Variants in CNOT10 observed in about 807,000 individuals in gnomAD.
CNOT10 encodes the protein CCR4-NOT transcription complex, subunit 10.
A neutral mutation model predicts 94.6 loss-of-function variants in CNOT10; 30 were observed. The observed-to-expected ratio is 0.32, with a 90% CI of 0.24 to 0.43. The LOEUF (loss-of-function observed/expected upper bound fraction) is 0.43, where lower values mean the gene tolerates loss of function less well. Ranked by LOEUF, CNOT10 falls within the 20% of genes least tolerant of loss-of-function variation. The probability of loss-of-function intolerance (pLI) is 1.00; values close to 1 mark genes in which losing one functional copy is unlikely to be tolerated. For missense variants in CNOT10, 759 were observed against 877.2 expected, an observed-to-expected ratio of 0.87 and a Z score of 1.70; for synonymous variants, 289 against 301.6, an observed-to-expected ratio of 0.96 and a Z score of 0.43.
intron 1 of CNOT10, among the ~76,000 whole-genome samples, chr3:32,698,909 G>T (rs954037253): frequency 1.3e-5 from 2 of 152,072 alleles, no homozygotes; most frequent in African/African-American, 4.8e-5. Flanking sequence ...CCTTCGCCTC[G>T]CTTGTAGCTG....
At chr3:32,709,538 G>A (rs1464453698) in intron 4 of CNOT10, among the ~76,000 whole-genome samples, 1 of 152,160 alleles carries the variant, frequency 6.6e-6, no homozygotes, top group African/African-American at 2.4e-5. Flanking sequence ...GTATGATAGC[G>A]CTCTGTGGTT....
chr3:32,691,442 G>C (rs1034255815), intron 1 of CNOT10, among the ~76,000 whole-genome samples: 1 of 151,794 alleles, frequency 6.6e-6, no homozygotes, highest in Non-Finnish European at 1.5e-5. Flanking sequence ...ATTAACAGAC[G>C]TGAGCCACTG....
rs2125657087 is a variant in CNOT10 at position 32,773,493 on chromosome 3, A to G, written c.2117A>G (p.Asn706Ser). ...TQLALQIIKRNQLLPAVKTHS... is the reference protein window; with the variant it reads ...TQLALQIIKRSQLLPAVKTHS... ...CTGGCCTTACAGATCATCAAAAGGA[A>G]TCAGCTGCTCCCTGCAGTGAAAACA... Residue 706 changes from asparagine (N) to serine (S), a missense_variant, in exon 19 of 19, where the codon AAT becomes AGT. Coordinates refer to ENST00000328834, the MANE Select transcript of CNOT10 (RefSeq NM_015442.3). 3 of 1,613,864 alleles carry G rather than the reference A, an allele frequency of 1.9e-6. No homozygotes were observed. The Middle Eastern group carries it at 4.9e-4, about 266-fold the overall frequency.
intron 17 of CNOT10, among the ~76,000 whole-genome samples, chr3:32,767,442 G>C (rs6796288): frequency 0.99 from 148,495 of 150,548 alleles, 73,274 homozygotes; most frequent in East Asian, 1. Context: ...TTGCTTGAAC[G>C]CAGGAGGTGG....
chr3:32,688,433 C>T (rs776600710), intron 1 of CNOT10, among the ~76,000 whole-genome samples: 4 of 151,690 alleles, frequency 2.6e-5, no homozygotes, highest in Non-Finnish European at 4.4e-5. Context: ...ACCCCATCTA[C>T]TAAAAATACA....
At chr3:32,744,120 A>G (rs934179994) in intron 13 of CNOT10, among the ~76,000 whole-genome samples, 5 of 152,208 alleles carry the variant, frequency 3.3e-5, no homozygotes, top group East Asian at 3.9e-4. Flanking sequence ...TTTCAAAGCC[A>G]TAAAGCTCAC....
intron 13 of CNOT10, among the ~76,000 whole-genome samples, chr3:32,759,098 G>C (rs1364334117): frequency 6.6e-6 from 1 of 151,604 alleles, no homozygotes; most frequent in Non-Finnish European, 1.5e-5. Flanking sequence ...AAACTTCTAT[G>C]GAAGTTAGTT....
At chr3:32,753,524 C>T in intron 13 of CNOT10, 2 of 1,577,356 alleles carry the variant, frequency 1.3e-6, no homozygotes, top group Non-Finnish European at 1.7e-6. Context: ...GTAGTTTCAA[C>T]CAAGATTGAA....
chr3:32,763,730 T>C (rs1215594588), intron 15 of CNOT10, among the ~76,000 whole-genome samples: 1 of 152,166 alleles, frequency 6.6e-6, no homozygotes, highest in Non-Finnish European at 1.5e-5. Flanking sequence ...GAGATGGTGG[T>C]GGGTGGTAGC....
chr3:32,770,007 T>A, intron 18 of CNOT10, 45 bp downstream of exon 18: 1 of 1,499,366 alleles, frequency 6.7e-7, no homozygotes, highest in African/African-American at 1.4e-5. Flanking sequence ...TGAAAGAGCC[T>A]GAGATTTTTT....
chr3:32,773,693 A>G lies in CNOT10; in HGVS notation c.*82A>G. 1 of 1,388,378 alleles carries G rather than the reference A, an allele frequency of 7.2e-7. No homozygotes were observed. Among genetic ancestry groups the G allele is most frequent in the Non-Finnish European group, 9.7e-7 (1 of 1,032,638 alleles). 86.0% of individuals were successfully genotyped at this position (1,388,378 alleles called of 1,614,324 possible). ...TTAGTTGTATCACAGCAGAATGAAT[A>G]AAAGATGGTGAAGGCTGTTAATTTT... On this transcript the variant is annotated 3_prime_UTR_variant, in exon 19 of 19. Coordinates refer to ENST00000328834, the MANE Select transcript of CNOT10 (RefSeq NM_015442.3).
In CNOT10 at chr3:32,725,545, C is replaced by G. The variant is rs1027475331; in HGVS notation, c.958C>G (p.Leu320Val). 1.9e-6 allele frequency: 3 copies of G among 1,613,956 alleles called. No homozygotes were observed. Among genetic ancestry groups the G allele is most frequent in the African/African-American group, 2.7e-5 (2 of 74,912 alleles). Residue 320 changes from leucine (L) to valine (V), a missense_variant, in exon 9 of 19, where the codon CTG (leucine) becomes GTG (valine). By Grantham distance (32) the Leu-to-Val change is conservative. Transcript: ENST00000328834. ...NLGIFYFKKA[L>V]QENDNVCAQL... ...GGGAATATTCTACTTTAAAAAGGCT[C>G]TGCAAGAGAATGACAATGTCTGTGC...
At chr3:32,713,122 TA>T in intron 4 of CNOT10, 104 bp from the exon 5 acceptor site, 1 of 882,136 alleles carries the variant, frequency 1.1e-6, no homozygotes, top group Non-Finnish European at 1.7e-6. Context: ...AGTAAAGACT[TA>T]TGCTTTGCTA....
At chr3:32,761,896 C>CTGTAAT in intron 14 of CNOT10, among the ~76,000 whole-genome samples, 1 of 151,702 alleles carries the variant, frequency 6.6e-6, no homozygotes, top group African/African-American at 2.4e-5. Context: ...CCTCAGCCTC[C>CTGTAAT]CAAGTAGCTG....
intron 13 of CNOT10, among the ~76,000 whole-genome samples, chr3:32,758,236 T>TA: frequency 6.6e-6 from 1 of 152,310 alleles, no homozygotes; most frequent in South Asian, 2.1e-4. Flanking sequence ...TAGACAGTCT[T>TA]TCAGCCCTCC....
chr3:32,763,154 G>A (rs1575309484), intron 15 of CNOT10, among the ~76,000 whole-genome samples: 2 of 152,072 alleles, frequency 1.3e-5, no homozygotes, highest in Admixed American at 1.3e-4. Flanking sequence ...AAAATCCATA[G>A]GGGAGTAAAA....
At position 32,689,277 on chromosome 3, in the gene CNOT10, C is replaced by T. The variant is rs556029517; in HGVS notation, c.22+3795C>T. On this transcript the variant is annotated intron_variant, in intron 1 of 18. Transcript: ENST00000328834. ...CTGAAGCAAGAGAATCACTTGAACC[C>T]AGGTGGCAGAGGTTGCAGTGAGCCA... is the stretch of plus-strand genomic sequence containing the variant. 1.2e-4 allele frequency among the ~76,000 whole-genome samples: 18 copies of T among 151,200 alleles called. 1 individual carries two copies. The South Asian group carries it at 1.9e-3, about 16-fold the overall frequency.
chr3:32,748,544 A>AGG (rs1699811243), intron 13 of CNOT10, among the ~76,000 whole-genome samples: 1 of 152,034 alleles, frequency 6.6e-6, no homozygotes, highest in African/African-American at 2.4e-5. Flanking sequence ...ATGGAGTCTC[A>AGG]CTCTGTGGCC....
intron 17 of CNOT10, among the ~76,000 whole-genome samples, chr3:32,767,330 C>G (rs535234598): frequency 8.3e-4 from 126 of 152,132 alleles, no homozygotes; most frequent in African/African-American, 2.9e-3. Context: ...ACCAGCCTTA[C>G]CAACATGGAG....
Sources: allele counts gnomAD v4.1 joint callset (sites outside exome capture counted in the v4.1 genomes callset), GRCh38; gene constraint gnomAD v4.1.1; transcripts MANE v1.5; gene names NCBI Gene and HGNC (gene_info 2026-07-23, HGNC 2026-07-21).